MAML3: variants seen among roughly 807,000 people sequenced by gnomAD.
The protein encoded by MAML3 is mastermind-like protein 3.
A neutral mutation model predicts 101.9 loss-of-function variants in MAML3; 27 were observed. The ratio of observed to expected loss-of-function variants is 0.27; its 90% CI spans 0.20 to 0.37. The LOEUF is 0.37. MAML3 is among the 10% of genes least tolerant of loss of function. The probability of loss-of-function intolerance (pLI) is 1.00; values close to 1 mark genes in which losing one functional copy is unlikely to be tolerated. For missense variants in MAML3, 1,316 were observed against 1,444.9 expected (o/e 0.91, Z 1.45); for synonymous variants, 501 against 555.9 (o/e 0.90, Z 1.39).
chr4:139,929,711 C>T (rs1481729096), intron 1 of MAML3, among the ~76,000 whole-genome samples: 1 of 152,178 alleles, frequency 6.6e-6, no homozygotes, highest in Non-Finnish European at 1.5e-5. Context: ...CAGCTGCTGT[C>T]GTGCCACAGT....
chr4:139,984,656 G>T (rs1734505945), intron 1 of MAML3, among the ~76,000 whole-genome samples: 6 of 152,282 alleles, frequency 3.9e-5, no homozygotes. Flanking sequence ...ATGCGACTGT[G>T]GGGGCTGGCA....
intron 1 of MAML3, among the ~76,000 whole-genome samples, chr4:139,964,036 C>T (rs559837364): frequency 1.2e-4 from 18 of 152,254 alleles, no homozygotes; most frequent in East Asian, 7.7e-4. Flanking sequence ...CATGAGCCAC[C>T]GCACCCACTG....
chr4:139,748,050 G>A (rs1330143633), intron 2 of MAML3, among the ~76,000 whole-genome samples: 23 of 67,448 alleles, frequency 3.4e-4, no homozygotes, highest in Admixed American at 3.2e-3. Context: ...GCAAGACTTC[G>A]TCTAAAAAAA....
At chr4:140,024,820 C>T (rs892170187) in intron 1 of MAML3, among the ~76,000 whole-genome samples, 1 of 152,150 alleles carries the variant, frequency 6.6e-6, no homozygotes, top group African/African-American at 2.4e-5. Flanking sequence ...GACGTGAAAA[C>T]ATATCTTCTC....
At chr4:140,011,737 C>G (rs1033729214) in intron 1 of MAML3, among the ~76,000 whole-genome samples, 11 of 152,130 alleles carry the variant, frequency 7.2e-5, no homozygotes, top group African/African-American at 2.7e-4. Flanking sequence ...CTAAATACAT[C>G]TAACCTCTCT....
chr4:140,049,194 T>A (rs1727228676), intron 1 of MAML3, among the ~76,000 whole-genome samples: 1 of 152,134 alleles, frequency 6.6e-6, no homozygotes. Context: ...CAGCAAGGCA[T>A]ATTAGGATTC....
At chr4:140,126,889 C>T (rs922997069) in intron 1 of MAML3, among the ~76,000 whole-genome samples, 6 of 152,172 alleles carry the variant, frequency 3.9e-5, no homozygotes, top group African/African-American at 1.4e-4. Context: ...TCAATGGACT[C>T]CTTAATATAT....
intron 1 of MAML3, among the ~76,000 whole-genome samples, chr4:139,921,392 G>C (rs972470651): frequency 6.6e-6 from 1 of 151,936 alleles, no homozygotes; most frequent in African/African-American, 2.4e-5. Context: ...GCTCACTATC[G>C]CTCCTGTGGG....
chr4:139,780,436 C>G (rs1028243915), intron 2 of MAML3, among the ~76,000 whole-genome samples: 1 of 152,166 alleles, frequency 6.6e-6, no homozygotes, highest in Non-Finnish European at 1.5e-5. Flanking sequence ...AACCTCAAGC[C>G]AAGGAGAGAC....
intron 1 of MAML3, among the ~76,000 whole-genome samples, chr4:140,031,363 GAATA>G (rs1726905091): frequency 6.6e-6 from 1 of 152,108 alleles, no homozygotes; most frequent in African/African-American, 2.4e-5. Flanking sequence ...ATTATAGAAA[GAATA>G]AATATTTAAA....
At chr4:140,128,776 C>A (rs1039059366) in intron 1 of MAML3, among the ~76,000 whole-genome samples, 7 of 152,118 alleles carry the variant, frequency 4.6e-5, no homozygotes, top group Admixed American at 4.6e-4. Context: ...ACATGCAGGG[C>A]AAGAGAAAGA....
intron 2 of MAML3, among the ~76,000 whole-genome samples, chr4:139,819,888 A>G (rs965615148): frequency 2.6e-5 from 4 of 152,176 alleles, no homozygotes; most frequent in Admixed American, 1.3e-4. Context: ...CATGTGTTGA[A>G]GAACACACTA....
chr4:139,751,377 T>G (rs1315205045), intron 2 of MAML3, among the ~76,000 whole-genome samples: 1 of 152,196 alleles, frequency 6.6e-6, no homozygotes, highest in Non-Finnish European at 1.5e-5. Context: ...GGGACCCAAG[T>G]CTAAACACAA....
At chr4:139,865,151 T>A (rs1194870963) in intron 2 of MAML3, among the ~76,000 whole-genome samples, 2 of 152,184 alleles carry the variant, frequency 1.3e-5, no homozygotes, top group African/African-American at 2.4e-5. Flanking sequence ...CAATTTCAAA[T>A]ACAGCAACTA....
chr4:140,120,213 G>A, intron 1 of MAML3, among the ~76,000 whole-genome samples: 1 of 148,070 alleles, frequency 6.8e-6, no homozygotes, highest in South Asian at 2.2e-4. Flanking sequence ...CTCCAGCCTG[G>A]GCGACAGAGC....
intron 2 of MAML3, among the ~76,000 whole-genome samples, chr4:139,865,490 T>G (rs1195601107): frequency 7.9e-5 from 8 of 101,334 alleles, no homozygotes; most frequent in Non-Finnish European, 5.3e-5. Flanking sequence ...AAAAGGTTTT[T>G]TTTTTGTTTT....
At chr4:139,946,458 T>G (rs1395619266) in intron 1 of MAML3, among the ~76,000 whole-genome samples, 1 of 152,162 alleles carries the variant, frequency 6.6e-6, no homozygotes, top group Non-Finnish European at 1.5e-5. Context: ...ATTTTTTTTT[T>G]GTTAAGCACA....
At chr4:139,820,110 C>A (rs910744223) in intron 2 of MAML3, among the ~76,000 whole-genome samples, 1 of 152,154 alleles carries the variant, frequency 6.6e-6, no homozygotes, top group Non-Finnish European at 1.5e-5. Flanking sequence ...GTTGGCTGTG[C>A]AAATCTCTAA....
chr4:140,071,222 ACTCTCT>A (rs767574418), intron 1 of MAML3, among the ~76,000 whole-genome samples: 4 of 151,934 alleles, frequency 2.6e-5, no homozygotes, highest in Non-Finnish European at 2.9e-5. Context: ...CTCCGCACAC[ACTCTCT>A]CTCTTTCTCT....
Sources: gnomAD v4.1 joint callset for allele counts (sites outside exome capture counted in the v4.1 genomes callset) on GRCh38, gnomAD v4.1.1 for gene constraint, MANE v1.5 for transcripts, NCBI Gene and HGNC (gene_info 2026-07-23, HGNC 2026-07-21) for gene names.